AKT3: variants seen among roughly 807,000 people sequenced by gnomAD.
AKT3 encodes the protein AKT serine/threonine kinase 3, also known as RAC-gamma serine/threonine-protein kinase.
AKT3 carries 15 observed loss-of-function variants against 65.3 expected under a neutral mutation model. That is an observed-to-expected ratio of 0.23 (90% CI 0.15 to 0.35). AKT3 has a LOEUF of 0.35. Ranked by LOEUF, AKT3 falls within the 10% of genes least tolerant of loss-of-function variation. The probability of loss-of-function intolerance (pLI) is 1.00; values close to 1 mark genes in which losing one functional copy is unlikely to be tolerated. For missense variants in AKT3, 243 were observed against 576.5 expected (o/e 0.42, Z 5.92); for synonymous variants, 206 against 183.8 (o/e 1.12, Z -0.98).
At chr1:243,699,649 G>A (rs1161855842) in intron 2 of AKT3, among the ~76,000 whole-genome samples, 1 of 151,476 alleles carries the variant, frequency 6.6e-6, no homozygotes, top group Non-Finnish European at 1.5e-5. Flanking sequence ...CTGGTAGTGA[G>A]GTGAGTGGTG....
chr1:243,785,769 G>A (rs1691221977), intron 2 of AKT3, among the ~76,000 whole-genome samples: 1 of 152,158 alleles, frequency 6.6e-6, no homozygotes, highest in Admixed American at 6.5e-5. Context: ...TTCCTGGAAG[G>A]TATTCTTACA....
intron 1 of AKT3, among the ~76,000 whole-genome samples, chr1:243,849,747 C>T (rs965005053): frequency 6.6e-6 from 1 of 151,760 alleles, no homozygotes; most frequent in African/African-American, 2.4e-5. Flanking sequence ...CCGGGAACAC[C>T]CCTCCCCCGG....
chr1:243,796,670 CAT>C (rs1182240245), intron 2 of AKT3, among the ~76,000 whole-genome samples: 1 of 152,168 alleles, frequency 6.6e-6, no homozygotes, highest in African/African-American at 2.4e-5. Flanking sequence ...GGCCTTTGCA[CAT>C]GTTCTTTCCT....
At chr1:243,674,548 C>T (rs188234326) in intron 3 of AKT3, among the ~76,000 whole-genome samples, 4 of 152,250 alleles carry the variant, frequency 2.6e-5, no homozygotes, top group Admixed American at 1.3e-4. Context: ...CTCGTAGAAA[C>T]GATCAGAGAA....
At chr1:243,645,793 C>T (rs1011707947) in intron 5 of AKT3, 100 bp downstream of exon 5, 23 of 1,201,804 alleles carry the variant, frequency 1.9e-5, no homozygotes, top group Admixed American at 1.3e-4. Context: ...ATTTACATAT[C>T]GTAAGAAAAC....
intron 2 of AKT3, among the ~76,000 whole-genome samples, chr1:243,790,132 A>G (rs1691522758): frequency 6.6e-6 from 1 of 152,206 alleles, no homozygotes; most frequent in South Asian, 2.1e-4. Context: ...ATTAGCTACG[A>G]CCAAGAAAGT....
chr1:243,637,356 T>C (rs916825857), intron 6 of AKT3, among the ~76,000 whole-genome samples: 6 of 152,178 alleles, frequency 3.9e-5, no homozygotes, highest in Non-Finnish European at 8.8e-5. Flanking sequence ...CAAAACATTC[T>C]CCCAAACATG....
In AKT3 at chr1:243,838,301, T is replaced by C. The variant is rs181236471; in HGVS notation, c.46+4824A>G. Among the ~76,000 whole-genome samples the C allele has an allele frequency of 7.0e-4, 106 of 152,268 alleles. 1 individual carries two copies. The highest frequency in any genetic ancestry group is 2.5e-3 in the African/African-American group (103 of 41,580). On this transcript the variant is annotated intron_variant, in intron 2 of 13. Transcript: ENST00000673466. ...TTAATTTTCTTATGTTTACTCTCCA[T>C]GTATAACCTCAACAGTCAAAGTGAG... is the stretch of plus-strand genomic sequence containing the variant.
intron 8 of AKT3, among the ~76,000 whole-genome samples, chr1:243,607,809 G>C (rs1446501974): frequency 6.6e-6 from 1 of 152,108 alleles, no homozygotes; most frequent in African/African-American, 2.4e-5. Context: ...GAGGGCCCTG[G>C]TGCGTAATTT....
chr1:243,519,481 T>A (rs904632531), intron 12 of AKT3, among the ~76,000 whole-genome samples: 1 of 152,138 alleles, frequency 6.6e-6, no homozygotes, highest in African/African-American at 2.4e-5. Context: ...ATTGGACAGG[T>A]CAAGGGCAAA....
chr1:243,568,598 C>T (rs1674344686), intron 9 of AKT3, among the ~76,000 whole-genome samples: 1 of 152,138 alleles, frequency 6.6e-6, no homozygotes, highest in African/African-American at 2.4e-5. Context: ...TTTTCCTGTG[C>T]TTAGTGGGCA....
chr1:243,515,834 C>A (rs984494626), intron 12 of AKT3, among the ~76,000 whole-genome samples: 1 of 152,028 alleles, frequency 6.6e-6, no homozygotes, highest in Non-Finnish European at 1.5e-5. Flanking sequence ...ACTAAAAATA[C>A]CAAAAATTAG....
chr1:243,777,252 G>A (rs775014229), intron 2 of AKT3, among the ~76,000 whole-genome samples: 24 of 152,122 alleles, frequency 1.6e-4, no homozygotes, highest in Non-Finnish European at 2.9e-4. Flanking sequence ...GATCTGTCAC[G>A]TGCACAGTTC....
In AKT3 at chr1:243,699,465, C is replaced by CTATA. The variant is rs58911364; in HGVS notation, c.47-3753_47-3750dup. Among the ~76,000 whole-genome samples the CTATA allele has an allele frequency of 3.1e-3, 318 of 103,458 alleles. 4 individuals carry two copies. The highest frequency in any genetic ancestry group is 6.9e-3 in the African/African-American group (140 of 20,386). The allele number at this position is 103,458 out of a possible 152,430, so 67.9% of individuals were successfully genotyped here. The stretch of plus-strand genomic sequence containing the variant: ...AAGACTTCCAACCCAACCTCTTCCA[C>CTATA]TATATATATATATATATATATATAT... On this transcript the variant is annotated intron_variant, in intron 2 of 13. Transcript: ENST00000673466.
At chr1:243,628,855 T>C (rs925979220) in intron 6 of AKT3, among the ~76,000 whole-genome samples, 1 of 152,248 alleles carries the variant, frequency 6.6e-6, no homozygotes, top group African/African-American at 2.4e-5. Context: ...CAATTGTACA[T>C]TGTTCTCCTT....
chr1:243,772,929 T>C (rs1056604765), intron 2 of AKT3, among the ~76,000 whole-genome samples: 1 of 149,420 alleles, frequency 6.7e-6, no homozygotes, highest in African/African-American at 2.5e-5. Context: ...CAGCAAACTA[T>C]CACCAGGACA....
chr1:243,565,986 T>C (rs535182329), intron 9 of AKT3, among the ~76,000 whole-genome samples: 11 of 152,312 alleles, frequency 7.2e-5, no homozygotes, highest in Admixed American at 6.5e-4. Flanking sequence ...AAAATGTGAA[T>C]GTACTTTTTA....
intron 2 of AKT3, among the ~76,000 whole-genome samples, chr1:243,797,122 G>A (rs991145533): frequency 4.0e-5 from 6 of 151,502 alleles, no homozygotes; most frequent in Non-Finnish European, 8.8e-5. Context: ...GGTTAAAATG[G>A]TAAATTTTAT....
At chr1:243,664,185 C>CTTTTTTT (rs34578718) in intron 4 of AKT3, among the ~76,000 whole-genome samples, 2 of 60,020 alleles carry the variant, frequency 3.3e-5, no homozygotes, top group African/African-American at 6.2e-5. Flanking sequence ...ATAAAAATGT[C>CTTTTTTT]TTTTTTTTTT....
Sources: allele counts gnomAD v4.1 joint callset (sites outside exome capture counted in the v4.1 genomes callset), GRCh38; gene constraint gnomAD v4.1.1; transcripts MANE v1.5; gene names NCBI Gene and HGNC (gene_info 2026-07-23, HGNC 2026-07-21).